ADAP1: variants seen among roughly 807,000 people sequenced by gnomAD.
ADAP1 encodes the protein ArfGAP with dual PH domains 1, also known as arf-GAP with dual PH domain-containing protein 1.
Under a neutral mutation model 54.9 loss-of-function variants are expected in ADAP1, and 31 were observed. The observed-to-expected ratio is 0.56, with a 90% confidence interval of 0.42 to 0.76. ADAP1 has a LOEUF of 0.76. ADAP1 is among the 30% of genes least tolerant of loss of function. The pLI is 0.00. For synonymous variants in ADAP1, 313 were observed against 202.6 expected (o/e 1.55, Z -4.63); for missense variants, 535 against 512.4 (o/e 1.04, Z -0.42).
chr7:944,074 C>G (rs1847078848), intron 1 of ADAP1, among the ~76,000 whole-genome samples: 1 of 151,730 alleles, frequency 6.6e-6, no homozygotes, highest in South Asian at 2.1e-4. Flanking sequence ...CACCACCATA[C>G]CCAGCTACTT....
rs760227298 is a variant in ADAP1, at chr7:935,503, G to C, written c.85C>G (p.Pro29Ala). 9 of 1,563,040 alleles carry C rather than the reference G, an allele frequency of 5.8e-6. No homozygotes were observed. The African/African-American group carries it at 1.1e-4, about 19-fold the overall frequency. Residue 29 changes from proline to alanine, a missense_variant and splice_region_variant, in exon 2 of 11, where the codon CCC becomes GCC. By Grantham distance (27) the Pro-to-Ala change is conservative (BLOSUM62 -1). Transcript: ENST00000265846. ...ARCADCGAPD[P>A]DWASYTLGVF... ...CCCAGAGTGTAGGAGGCCCAGTCGG[G>C]ATCTGCAAGGGAAAGCCGGACGTTC...
chr7:934,374 G>T (rs1260796449), intron 2 of ADAP1, among the ~76,000 whole-genome samples: 1 of 142,562 alleles, frequency 7.0e-6, no homozygotes, highest in Non-Finnish European at 1.5e-5. Flanking sequence ...GGGTGCCAGA[G>T]TCAGTGGTGT....
At chr7:936,355 G>A (rs1328978119) in intron 1 of ADAP1, among the ~76,000 whole-genome samples, 6 of 152,140 alleles carry the variant, frequency 3.9e-5, no homozygotes, top group South Asian at 2.1e-4. Flanking sequence ...ACCATGCCCG[G>A]CTAACTTTTG....
chr7:917,454 T>G (rs971184664), intron 4 of ADAP1, among the ~76,000 whole-genome samples: 1 of 152,082 alleles, frequency 6.6e-6, no homozygotes, highest in African/African-American at 2.4e-5. Flanking sequence ...GTTCAGCCAT[T>G]TCAGGGCCGC....
intron 4 of ADAP1, among the ~76,000 whole-genome samples, chr7:906,615 GGGAAAGGAGAAAGGAGAAA>G (rs1845388163): frequency 1.6e-5 from 1 of 61,380 alleles, no homozygotes; most frequent in Non-Finnish European, 2.9e-5. Context: ...AAGGGAGAAA[GGGAAAGGAGAAAGGAGAAA>G]GGAGAAAGGG....
intron 4 of ADAP1, 82 bp from the exon 5 acceptor site, chr7:905,254 G>C (rs1356289070): frequency 4.1e-6 from 4 of 976,314 alleles, no homozygotes; most frequent in South Asian, 3.9e-5. Context: ...AGGACAGAGG[G>C]GACATGGGGA....
At chr7:913,700 C>T (rs1014527957) in intron 4 of ADAP1, among the ~76,000 whole-genome samples, 2 of 151,908 alleles carry the variant, frequency 1.3e-5, no homozygotes, top group African/African-American at 2.4e-5. Context: ...TTTGGGAGGC[C>T]GAGGCGGGCG....
chr7:934,344 G>A (rs1454490059), intron 2 of ADAP1, among the ~76,000 whole-genome samples: 1 of 151,700 alleles, frequency 6.6e-6, no homozygotes, highest in Non-Finnish European at 1.5e-5. Flanking sequence ...CAGGGGCTGG[G>A]ATCAGTGGTC....
chr7:929,680 G>T (rs1296609316), intron 2 of ADAP1, among the ~76,000 whole-genome samples: 3 of 151,978 alleles, frequency 2.0e-5, no homozygotes, highest in African/African-American at 7.2e-5. Context: ...GTGTTGGGAC[G>T]TTAAAATGTC....
intron 4 of ADAP1, among the ~76,000 whole-genome samples, chr7:916,485 G>C (rs1000706296): frequency 1.8e-4 from 28 of 152,200 alleles, no homozygotes; most frequent in African/African-American, 6.3e-4. Context: ...TCTGAAGTGA[G>C]GCCACGTGCC....
rs1846837458 is a variant in ADAP1, at chr7:938,182, G to A, written c.83-2677C>T. On this transcript the variant is annotated intron_variant, in intron 1 of 10. Transcript: ENST00000265846. The surrounding 1 kb of genome is among the most constrained non-coding windows in gnomAD (Gnocchi z 4.4). ...GGTTTTTTTTGTCTTGTATTGTATTGTTTTGTTTTGAGACAGGGTCTTGCC... is the reference window on the plus strand; with the variant it reads ...GGTTTTTTTTGTCTTGTATTGTATTATTTTGTTTTGAGACAGGGTCTTGCC... Among the ~76,000 whole-genome samples, 1 of 151,140 alleles carries A rather than the reference G, an allele frequency of 6.6e-6. No homozygotes were observed. The highest frequency in any genetic ancestry group is 6.9e-5 in the Admixed American group (1 of 14,402).
intron 7 of ADAP1, 49 bp downstream of exon 7, chr7:900,484 C>A: frequency 2.2e-6 from 3 of 1,362,838 alleles, no homozygotes; most frequent in Admixed American, 1.9e-5. Flanking sequence ...CCACCCCCCA[C>A]CCCACCACCC....
upstream of ADAP1, chr7:955,219 A>T: frequency 7.4e-7 from 1 of 1,353,008 alleles, no homozygotes; most frequent in Non-Finnish European, 1.0e-6. Context: ...CCTCCCACTC[A>T]GGCAGGCTGA....
chr7:906,720 G>A (rs1249603204), intron 4 of ADAP1, among the ~76,000 whole-genome samples: 8 of 20,750 alleles, frequency 3.9e-4, no homozygotes, highest in East Asian at 8.5e-3. Flanking sequence ...GGGACATCGG[G>A]GACGGGACAT....
intron 2 of ADAP1, among the ~76,000 whole-genome samples, chr7:928,272 CGGGAG>C (rs1451735768): frequency 6.6e-6 from 1 of 150,738 alleles, no homozygotes. Context: ...GAGGCCGAGG[CGGGAG>C]GATCCCTTGA....
intron 7 of ADAP1, 60 bp downstream of exon 7, chr7:900,473 T>TGC: frequency 1.8e-5 from 27 of 1,486,524 alleles, no homozygotes; most frequent in Non-Finnish European, 2.2e-5. Flanking sequence ...GAGGGCTCCG[T>TGC]CCACCCCCCA....
rs1321974791 is a variant in ADAP1 at position 905,118 on chromosome 7, C to G, written c.443G>C (p.Ser148Thr). Residue 148 changes from serine to threonine, a missense_variant, in exon 5 of 11, where the codon AGC (serine) becomes ACC (threonine). By Grantham distance (58) the Ser-to-Thr change is moderately conservative. Transcript: ENST00000265846. ...KRGRDNGQFLSRKFVLTEREG... is the reference protein window; with the variant it reads ...KRGRDNGQFLTRKFVLTEREG... ...TCGTTCTGTCAGCACAAACTTCCGG[C>G]TCAAAAACTGCCCGTTGTCCCGGCC... 6.2e-7 allele frequency: 1 copy of G among 1,612,498 alleles called. No homozygotes were observed. The highest frequency in any genetic ancestry group is 8.5e-7 in the Non-Finnish European group (1 of 1,179,910).
intron 4 of ADAP1, among the ~76,000 whole-genome samples, chr7:908,419 A>C (rs1428080696): frequency 1.3e-5 from 2 of 152,170 alleles, no homozygotes; most frequent in Non-Finnish European, 2.9e-5. Context: ...GGATGGTGCC[A>C]GACGGGGCCT....
intron 10 of ADAP1, 26 bp downstream of exon 10, chr7:899,007 G>C: frequency 6.2e-7 from 1 of 1,609,350 alleles, no homozygotes; most frequent in Non-Finnish European, 8.5e-7. Flanking sequence ...AGCCCTTCCA[G>C]GCCGCCGGCC....
Sources: allele counts gnomAD v4.1 joint callset (sites outside exome capture counted in the v4.1 genomes callset), GRCh38; gene constraint gnomAD v4.1.1; non-coding constraint Gnocchi (gnomAD v3.1); transcripts MANE v1.5; gene names NCBI Gene and HGNC (gene_info 2026-07-23, HGNC 2026-07-21).